Variants in DUSP6 observed in about 807,000 individuals in gnomAD.
DUSP6 encodes dual specificity phosphatase 6, also known as dual specificity protein phosphatase 6.
DUSP6 carries 6 observed loss-of-function variants against 28.0 expected under a neutral mutation model. The ratio of observed to expected loss-of-function variants is 0.21; its 90% CI spans 0.12 to 0.42. DUSP6 has a LOEUF of 0.42. Ranked by LOEUF, DUSP6 falls within the 10% of genes least tolerant of loss-of-function variation. DUSP6 has a pLI of 1.00. For missense variants in DUSP6, 451 were observed against 498.1 expected (o/e 0.91, Z 0.90); for synonymous variants, 252 against 217.5 (o/e 1.16, Z -1.40).
At chr12:89,351,441 T>A in intron 1 of DUSP6, 199 bp downstream of exon 1, 1 of 901,268 alleles carries the variant, frequency 1.1e-6, no homozygotes, top group Non-Finnish European at 1.6e-6. Context: ...CGGAAGCGAG[T>A]GGATTCTGAG....
At chr12:89,351,051 C>G (rs1157987293) in intron 1 of DUSP6, 26 bp from the exon 2 acceptor site, 1 of 1,548,986 alleles carries the variant, frequency 6.5e-7, no homozygotes, top group Non-Finnish European at 8.7e-7. Context: ...AAGCAATCAT[C>G]TAACCTGAGA....
chr12:89,351,081 G>C (rs760252879), intron 1 of DUSP6, 56 bp from the exon 2 acceptor site: 1 of 1,514,374 alleles, frequency 6.6e-7, no homozygotes, highest in Non-Finnish European at 8.8e-7. Context: ...AGTTTTCACA[G>C]CTTGTAAGAA....
In DUSP6 at chr12:89,350,679, G is replaced by A. The variant is rs776032859; in HGVS notation, c.747C>T (p.Asn249=). 1.1e-5 allele frequency: 18 copies of A among 1,614,016 alleles called. No homozygotes were observed. Among genetic ancestry groups the A allele is most frequent in the Admixed American group, 6.7e-5 (4 of 60,004 alleles). The change falls in exon 2 of 3, where the codon AAC becomes AAT. Residue 249 remains asparagine (N), a synonymous_variant. Transcript: ENST00000279488. ...TTTGCTTGTATTTAAACTCTCCTGC[G>A]TTCTCAAAGAGATTCGGCAAATTGG... is the stretch of plus-strand genomic sequence containing the variant. ...VTPNLPNLFE[N]AGEFKYKQIP...
At position 89,350,775 on chromosome 12, in the gene DUSP6, G is replaced by A. The variant is rs1387979907; in HGVS notation, c.651C>T (p.Gly217=). ...PVEILPFLYL[G]CAKDSTNLDV... Reference sequence around the variant, plus strand: ...CCAAGTTGGTGGAGTCTTTGGCACAGCCCAAGTAGAGGAAGGGCAAGATCT... The same window carrying A: ...CCAAGTTGGTGGAGTCTTTGGCACAACCCAAGTAGAGGAAGGGCAAGATCT... The change falls in exon 2 of 3, where the codon GGC becomes GGT. Residue 217 remains glycine (G), a synonymous_variant. Coordinates refer to ENST00000279488, the MANE Select transcript of DUSP6 (RefSeq NM_001946.4). 1.9e-6 allele frequency: 3 copies of A among 1,613,948 alleles called. No homozygotes were observed. The highest frequency in any genetic ancestry group is 2.2e-5 in the South Asian group (2 of 91,066).
chr12:89,350,105 G>A (rs1018922075), intron 2 of DUSP6, among the ~76,000 whole-genome samples: 1 of 152,172 alleles, frequency 6.6e-6, no homozygotes, highest in Non-Finnish European at 1.5e-5. Context: ...CTTCCTGCTG[G>A]GCTCAGGTTA....
Position 89,352,194 on chromosome 12 carries a change from G to A in DUSP6, c.-155C>T. ...CGAGGCTAGCGGTTGGGGCAGACGA[G>A]ACAGAAGTAAAGCCGGAGGTTCTCT... is the stretch of plus-strand genomic sequence containing the variant. On this transcript the variant is annotated 5_prime_UTR_variant, in exon 1 of 3. Coordinates refer to ENST00000279488, the MANE Select transcript of DUSP6 (RefSeq NM_001946.4). 8.5e-7 allele frequency: 1 copy of A among 1,173,920 alleles called. No homozygotes were observed. The highest frequency in any genetic ancestry group is 1.2e-6 in the Non-Finnish European group (1 of 847,100). 72.7% of individuals were successfully genotyped at this position (1,173,920 alleles called of 1,614,324 possible).
In DUSP6 at chr12:89,350,990, G is replaced by A; in HGVS notation, c.436C>T (p.His146Tyr). Residue 146 changes from histidine to tyrosine, a missense_variant, in exon 2 of 3, where the codon CAT becomes TAT. His to Tyr is a moderately conservative substitution (Grantham distance 83, BLOSUM62 2). Coordinates refer to ENST00000279488, the MANE Select transcript of DUSP6 (RefSeq NM_001946.4). ...FSKFQAEFSL[H>Y]CETNLDGSCS... The stretch of plus-strand genomic sequence containing the variant: ...GAGCCGTCTAGATTGGTCTCGCAAT[G>A]CAGGGAGAACTCGGCTTGGAACTTA... 2.5e-6 allele frequency: 4 copies of A among 1,609,392 alleles called. No individual in the cohort carries two copies. The highest frequency in any genetic ancestry group is 3.4e-6 in the Non-Finnish European group (4 of 1,178,558).
At chr12:89,351,100 C>T in intron 1 of DUSP6, 75 bp from the exon 2 acceptor site, 1 of 1,475,456 alleles carries the variant, frequency 6.8e-7, no homozygotes, top group South Asian at 1.3e-5. Flanking sequence ...AACCGCAGCC[C>T]GGCGCAAGAA....
chr12:89,348,354 ATTCT>A lies in DUSP6; in HGVS notation c.*896_*899del, dbSNP rs944490847. ...GTTTAGCACAGCTGAAGGTTTTTTT[ATTCT>A]TTCTTTTTTTAAAGTGAGCCCATGA... On this transcript the variant is annotated 3_prime_UTR_variant, in exon 3 of 3. Transcript: ENST00000279488. The A allele has an allele frequency of 8.5e-5, 13 of 152,730 alleles. No individual in the cohort carries two copies. Among genetic ancestry groups the A allele is most frequent in the African/African-American group, 1.9e-4 (8 of 41,576 alleles). The allele number at this position is 152,730 out of a possible 1,614,324, so 9.5% of individuals were successfully genotyped here. A position where few individuals can be genotyped will look rare whatever the true frequency, so the allele number is the denominator to read the frequency against.
chr12:89,351,892 T>C lies in DUSP6; in HGVS notation c.148A>G (p.Ile50Val). ...RPQELYESSH[I>V]ESAINVAIPG... ...ATGGCCACGTTGATGGCCGACTCGATGTGCGACGACTCGTATAGCTCCTGC... is the reference window on the plus strand; with the variant it reads ...ATGGCCACGTTGATGGCCGACTCGACGTGCGACGACTCGTATAGCTCCTGC... The change falls in exon 1 of 3, where the codon ATC becomes GTC. Residue 50 changes from isoleucine to valine, a missense_variant. Coordinates refer to ENST00000279488, the MANE Select transcript of DUSP6 (RefSeq NM_001946.4). 2 of 1,612,802 alleles carry C rather than the reference T, an allele frequency of 1.2e-6. No individual in the cohort carries two copies. The highest frequency in any genetic ancestry group is 1.3e-5 in the African/African-American group (1 of 75,060).
chr12:89,349,316 G>A lies in DUSP6; in HGVS notation c.1084C>T (p.Leu362=), dbSNP rs1298652295. 10 of 1,614,074 alleles carry A rather than the reference G, an allele frequency of 6.2e-6. No homozygotes were observed. Among genetic ancestry groups the A allele is most frequent in the South Asian group, 2.2e-5 (2 of 91,088 alleles). The change falls in exon 3 of 3, where the codon CTG becomes TTG. Residue 362 remains leucine, a synonymous_variant. Transcript: ENST00000279488. ...PCDNRVPAQQ[L]YFTTPSNQNV... Reference sequence around the variant, plus strand: ...TGGTTGGAAGGGGTGGTAAAATACAGCTGCTGTGCTGGAACCCTGTTGTCA... The same window carrying A: ...TGGTTGGAAGGGGTGGTAAAATACAACTGCTGTGCTGGAACCCTGTTGTCA...
At position 89,352,302 on chromosome 12, in the gene DUSP6, A is replaced by G; in HGVS notation, c.-263T>C. 5.8e-6 allele frequency: 3 copies of G among 521,656 alleles called. No individual in the cohort carries two copies. In the Admixed American group the frequency reaches 1.0e-4, roughly 17 times the overall value. The allele number at this position is 521,656 out of a possible 1,614,324, so 32.3% of individuals were successfully genotyped here. A position where few individuals can be genotyped will look rare whatever the true frequency, so the allele number is the denominator to read the frequency against. ...GCCCAGATAGTTTTTGTTCCTCCCC[A>G]GTGAATGAAATCCAATTAATTCGGA... On this transcript the variant is annotated 5_prime_UTR_variant, in exon 1 of 3. Transcript: ENST00000279488.
Position 89,350,640 on chromosome 12 carries a change from A to G in DUSP6, c.786T>C (p.Asp262=). 1 of 1,614,190 alleles carries G rather than the reference A, an allele frequency of 6.2e-7. No individual in the cohort carries two copies. The highest frequency in any genetic ancestry group is 2.2e-5 in the East Asian group (1 of 44,886). The change falls in exon 2 of 3, where the codon GAT becomes GAC. Residue 262 remains aspartate (D), a synonymous_variant. Transcript: ENST00000279488. The part of the protein sequence containing the change: ...EFKYKQIPIS[D]HWSQNLSQFF... ...ACTGGGACAGGTTTTGGCTCCAGTG[A>G]TCCGAGATGGGGATTTGCTTGTATT...
rs961834217 is a variant in DUSP6 at position 89,348,256 on chromosome 12, G to T, written c.*998C>A. 1 of 152,446 alleles carries T rather than the reference G, an allele frequency of 6.6e-6. No individual in the cohort carries two copies. The highest frequency in any genetic ancestry group is 2.4e-5 in the African/African-American group (1 of 41,382). 9.4% of individuals were successfully genotyped at this position (152,446 alleles called of 1,614,324 possible). A position where few individuals can be genotyped will look rare whatever the true frequency, so the allele number is the denominator to read the frequency against. On this transcript the variant is annotated 3_prime_UTR_variant, in exon 3 of 3. Transcript: ENST00000279488. The stretch of plus-strand genomic sequence containing the variant: ...CCAGTTTTATACAAATTTTTTTAAA[G>T]GAAAGAAACCAACCCAAAGTATTGC...
chr12:89,349,302 G>T lies in DUSP6; in HGVS notation c.1098C>A (p.Thr366=), dbSNP rs1414572390. The change falls in exon 3 of 3, where the codon ACC becomes ACA. Residue 366 remains threonine, a synonymous_variant. Transcript: ENST00000279488. The stretch of plus-strand genomic sequence containing the variant: ...CCTGGTATACATTCTGGTTGGAAGG[G>T]GTGGTAAAATACAGCTGCTGTGCTG... ...RVPAQQLYFT[T]PSNQNVYQVD... is the part of the protein sequence containing the mutation. 5 of 1,613,952 alleles carry T rather than the reference G, an allele frequency of 3.1e-6. No homozygotes were observed. Among genetic ancestry groups the T allele is most frequent in the East Asian group, 2.2e-5 (1 of 44,890 alleles).
At chr12:89,349,647 C>CATA (rs985222553) in intron 2 of DUSP6, 86 bp from the exon 3 acceptor site, 8 of 999,698 alleles carry the variant, frequency 8.0e-6, no homozygotes, top group East Asian at 2.5e-5. Context: ...AACTTGAAAA[C>CATA]ATAATAATAA....
In DUSP6 at chr12:89,349,156, A is replaced by G; in HGVS notation, c.*98T>C. On this transcript the variant is annotated 3_prime_UTR_variant, in exon 3 of 3. Coordinates refer to ENST00000279488, the MANE Select transcript of DUSP6 (RefSeq NM_001946.4). ...TACAGACAGCTGGTGTCATTTTGAC[A>G]CCTGGGGCCACACACAAAGAAAGCA... 1 of 1,343,884 alleles carries G rather than the reference A, an allele frequency of 7.4e-7. No individual in the cohort carries two copies. The highest frequency in any genetic ancestry group is 1.4e-5 in the South Asian group (1 of 72,204). The allele number at this position is 1,343,884 out of a possible 1,614,324, so 83.2% of individuals were successfully genotyped here.
In DUSP6 at chr12:89,350,786, G is replaced by C. The variant is rs758194734; in HGVS notation, c.640C>G (p.Leu214Val). 2.5e-6 allele frequency: 4 copies of C among 1,614,002 alleles called. No homozygotes were observed. Among genetic ancestry groups the C allele is most frequent in the Non-Finnish European group, 3.4e-6 (4 of 1,179,994 alleles). ...GAGTCTTTGGCACAGCCCAAGTAGA[G>C]GAAGGGCAAGATCTCCACTGGGAAG... ...PSFPVEILPF[L>V]YLGCAKDSTN... Residue 214 changes from leucine (L) to valine (V), a missense_variant, in exon 2 of 3, where the codon CTC (leucine) becomes GTC (valine). By Grantham distance (32) the Leu-to-Val change is conservative (BLOSUM62 1). Around this residue, in one of 2 missense-constraint regions of DUSP6, gnomAD observed 347 missense variants for 346.6 expected, o/e 1.00. Transcript: ENST00000279488.
In DUSP6 at chr12:89,347,687, T is replaced by C. The variant is rs1879026875; in HGVS notation, c.*1567A>G. The C allele has an allele frequency of 6.6e-6, 1 of 152,190 alleles. No individual in the cohort carries two copies. Among genetic ancestry groups the C allele is most frequent in the Non-Finnish European group, 1.5e-5 (1 of 68,028 alleles). 9.4% of individuals were successfully genotyped at this position (152,190 alleles called of 1,614,324 possible). A position where few individuals can be genotyped will look rare whatever the true frequency, so the allele number is the denominator to read the frequency against. On this transcript the variant is annotated 3_prime_UTR_variant, in exon 3 of 3. Transcript: ENST00000279488. The stretch of plus-strand genomic sequence containing the variant: ...AGCAGAAGATCCTGACAGTGAAGGA[T>C]AGGGAGGAGGTTAACATGTGGCTGT...
Sources: allele counts gnomAD v4.1 joint callset (sites outside exome capture counted in the v4.1 genomes callset), GRCh38; gene constraint gnomAD v4.1.1; regional missense constraint gnomAD v4.1.1; transcripts MANE v1.5; gene names NCBI Gene and HGNC (gene_info 2026-07-23, HGNC 2026-07-21).